KALRN: variants seen among roughly 807,000 people sequenced by gnomAD.
The protein encoded by KALRN is kalirin RhoGEF kinase.
In KALRN, 70 loss-of-function variants were observed where a neutral mutation model predicts 353.7. The ratio of observed to expected loss-of-function variants is 0.20; its 90% CI spans 0.16 to 0.24. The LOEUF (loss-of-function observed/expected upper bound fraction) is 0.24. Ranked by LOEUF, KALRN falls within the 10% of genes least tolerant of loss-of-function variation. The pLI, the probability that KALRN is intolerant of heterozygous loss-of-function variation, is 1.00. For synonymous variants in KALRN, 1,391 were observed against 1,434.8 expected, an observed-to-expected ratio of 0.97 and a Z score of 0.69; for missense variants, 2,791 against 3,756.7, an observed-to-expected ratio of 0.74 and a Z score of 6.72.
At chr3:124,706,731 G>C (rs534555822) in intron 57 of KALRN, among the ~76,000 whole-genome samples, 2 of 151,512 alleles carry the variant, frequency 1.3e-5, no homozygotes, top group African/African-American at 4.8e-5. Context: ...CACCATGCCC[G>C]GCTAATTTTT....
chr3:124,573,091 A>G (rs2073727134), intron 34 of KALRN, among the ~76,000 whole-genome samples: 1 of 152,264 alleles, frequency 6.6e-6, no homozygotes. Context: ...CACTGGCTAG[A>G]TGATGACCTT....
intron 58 of KALRN, 148 bp downstream of exon 58, chr3:124,713,283 A>G (rs752700850): frequency 7.6e-6 from 4 of 525,504 alleles, no homozygotes; most frequent in Non-Finnish European, 1.3e-5. Context: ...CCCCCATTTT[A>G]TAATCAATGT....
chr3:124,111,830 T>G (rs549261409), intron 1 of KALRN, among the ~76,000 whole-genome samples: 1 of 152,170 alleles, frequency 6.6e-6, no homozygotes, highest in African/African-American at 2.4e-5. Flanking sequence ...GCAGGAAGAA[T>G]GGCTTTATTG....
In KALRN at chr3:124,456,670, C is replaced by T. The variant is rs2059332872; in HGVS notation, c.3796C>T (p.Leu1266=). 1 of 1,613,448 alleles carries T rather than the reference C, an allele frequency of 6.2e-7. No homozygotes were observed. Among genetic ancestry groups the T allele is most frequent in the African/African-American group, 1.3e-5 (1 of 75,024 alleles). ...AAGCCTTTCGGATCGGGAGGTCAAG[C>T]TGCGGGACGCCAACCACGAAGTCAA... ...PASLSDREVK[L]RDANHEVNEE... The change falls in exon 23 of 60, where the codon CTG becomes TTG. Residue 1266 remains leucine (L), a synonymous_variant. Transcript: ENST00000682506.
At chr3:124,367,456 G>A (rs2084999873) in intron 10 of KALRN, among the ~76,000 whole-genome samples, 1 of 91,562 alleles carries the variant, frequency 1.1e-5, no homozygotes, top group African/African-American at 4.8e-5. Context: ...CTGGCCAGGC[G>A]GGGGGCTGAC....
At chr3:124,707,537 C>G (rs1053194784) in intron 57 of KALRN, among the ~76,000 whole-genome samples, 12 of 151,782 alleles carry the variant, frequency 7.9e-5, no homozygotes, top group Non-Finnish European at 1.8e-4. Flanking sequence ...AGCTTTGATA[C>G]AAGTGTGGGC....
At chr3:124,110,782 G>C (rs2062886190) in intron 1 of KALRN, among the ~76,000 whole-genome samples, 2 of 152,094 alleles carry the variant, frequency 1.3e-5, no homozygotes, top group Non-Finnish European at 2.9e-5. Flanking sequence ...TTTATTCTAG[G>C]CTACCTTTAT....
chr3:124,667,169 G>C lies in KALRN; in HGVS notation c.6689G>C (p.Arg2230Pro). Residue 2230 changes from arginine to proline, a missense_variant, in exon 47 of 60, where the codon CGA becomes CCA. Transcript: ENST00000682506. ...ATCAATCAAGTCTTAGAAACACAGC[G>C]AGACTTTTTGAATGGTGGGTGCTGG... Reference protein sequence around the residue: ...QDINQVLETQRDFLNALQSPI... With the variant: ...QDINQVLETQPDFLNALQSPI... 1 of 1,613,820 alleles carries C rather than the reference G, an allele frequency of 6.2e-7. No individual in the cohort carries two copies. The highest frequency in any genetic ancestry group is 8.5e-7 in the Non-Finnish European group (1 of 1,179,804).
chr3:124,616,045 C>G (rs16835731), intron 34 of KALRN, among the ~76,000 whole-genome samples: 18,044 of 152,138 alleles, frequency 0.12, 1,104 homozygotes, highest in Middle Eastern at 0.18. Context: ...CCTGTTCCAC[C>G]CAAAAATACA....
intron 34 of KALRN, among the ~76,000 whole-genome samples, chr3:124,619,372 A>G (rs2079013882): frequency 6.6e-6 from 1 of 152,062 alleles, no homozygotes; most frequent in Non-Finnish European, 1.5e-5. Context: ...TAATGTTGCA[A>G]TGAATGTAAG....
intron 1 of KALRN, among the ~76,000 whole-genome samples, chr3:124,145,243 T>C (rs1371515323): frequency 1.3e-5 from 2 of 152,168 alleles, no homozygotes; most frequent in African/African-American, 4.8e-5. Context: ...CCCTCATTCA[T>C]CTACTCAACA....
intron 1 of KALRN, among the ~76,000 whole-genome samples, chr3:124,062,741 G>C (rs2042075096): frequency 6.6e-6 from 1 of 152,148 alleles, no homozygotes; most frequent in Admixed American, 6.5e-5. Context: ...ACTGTGAAAG[G>C]AAGCTAGTTT....
At chr3:124,695,148 T>C (rs1578994006) in intron 53 of KALRN, among the ~76,000 whole-genome samples, 1 of 152,190 alleles carries the variant, frequency 6.6e-6, no homozygotes, top group East Asian at 1.9e-4. Flanking sequence ...AATTCTAAAA[T>C]GTGCAATAGA....
chr3:124,245,554 A>G (rs552570921), intron 3 of KALRN, among the ~76,000 whole-genome samples: 5 of 152,154 alleles, frequency 3.3e-5, no homozygotes, highest in Non-Finnish European at 4.4e-5. Context: ...TTTTTTTGAG[A>G]AACCTCTGTA....
chr3:124,405,638 G>GTTTTTT (rs71145451), intron 13 of KALRN, among the ~76,000 whole-genome samples: 7 of 83,868 alleles, frequency 8.3e-5, no homozygotes, highest in Non-Finnish European at 1.3e-4. Context: ...GGACCTCAGG[G>GTTTTTT]TTTTTTTTTT....
intron 1 of KALRN, among the ~76,000 whole-genome samples, chr3:124,115,235 C>T (rs1227311963): frequency 2.0e-5 from 3 of 152,106 alleles, no homozygotes; most frequent in Admixed American, 2.0e-4. Flanking sequence ...AGAGAGAAAG[C>T]TGGAAAGGTT....
intron 1 of KALRN, among the ~76,000 whole-genome samples, chr3:124,095,494 C>G (rs2061387777): frequency 1.3e-5 from 2 of 152,222 alleles, no homozygotes; most frequent in African/African-American, 4.8e-5. Context: ...ATACTGAGTT[C>G]CTCCCTATGC....
chr3:124,664,182 T>C (rs2150273159), intron 45 of KALRN, among the ~76,000 whole-genome samples: 1 of 152,256 alleles, frequency 6.6e-6, no homozygotes, highest in East Asian at 1.9e-4. Context: ...AGATCCCTTT[T>C]GCTCTTCAAC....
In KALRN at chr3:124,090,673, G is replaced by A. The variant is rs751581126; in HGVS notation, c.73+56860G>A. On this transcript the variant is annotated intron_variant, in intron 1 of 59. Coordinates refer to ENST00000682506, the MANE Select transcript of KALRN (RefSeq NM_001388419.1). ...CAGGGTGTTGGGGGAGGTGGGGTAC[G>A]CACTAGAATTCAAGATAGTGACACG... Among the ~76,000 whole-genome samples, 4 of 152,176 alleles carry A rather than the reference G, an allele frequency of 2.6e-5. No homozygotes were observed. In the South Asian group the frequency reaches 6.2e-4, roughly 24 times the overall value.
Sources: gnomAD v4.1 joint callset for allele counts (sites outside exome capture counted in the v4.1 genomes callset) on GRCh38, gnomAD v4.1.1 for gene constraint, MANE v1.5 for transcripts, NCBI Gene and HGNC (gene_info 2026-07-23, HGNC 2026-07-21) for gene names.